The following NAV3 variants were observed in gnomAD, a reference collection of about 807,000 sequenced individuals.
The protein encoded by NAV3 is neuron navigator 3.
Under a neutral mutation model 244.7 loss-of-function variants are expected in NAV3, and 87 were observed. The ratio of observed to expected loss-of-function variants is 0.36; its 90% CI spans 0.30 to 0.42. The LOEUF is 0.42. NAV3 is among the 20% of genes least tolerant of loss of function. The pLI, the probability that NAV3 is intolerant of heterozygous loss-of-function variation, is 1.00. For synonymous variants in NAV3, 1,126 were observed against 1,042.2 expected, an observed-to-expected ratio of 1.08 and a Z score of -1.55; for missense variants, 2,663 against 2,893.3, an observed-to-expected ratio of 0.92 and a Z score of 1.83.
At chr12:78,144,952 GA>G (rs1956802397) in intron 20 of NAV3, 1 of 100,124 alleles carries the variant, frequency 1.0e-5, no homozygotes, top group African/African-American at 3.9e-5. Flanking sequence ...AAAAAAGAAA[GA>G]AAGAAAGAAA....
chr12:78,065,674 A>G (rs371304329), intron 12 of NAV3, among the ~76,000 whole-genome samples: 2 of 152,246 alleles, frequency 1.3e-5, no homozygotes, highest in East Asian at 3.9e-4. Context: ...GTTTCAATGA[A>G]ATACTGAAGG....
At chr12:78,024,997 G>A (rs11403459) in intron 9 of NAV3, among the ~76,000 whole-genome samples, 19,925 of 145,122 alleles carry the variant, frequency 0.14, 2,101 homozygotes, top group African/African-American at 0.3. Flanking sequence ...GAAAAAAAAA[G>A]CCACAACTTC....
At chr12:77,960,217 A>G (rs1306159866) in intron 3 of NAV3, among the ~76,000 whole-genome samples, 1 of 152,010 alleles carries the variant, frequency 6.6e-6, no homozygotes, top group African/African-American at 2.4e-5. Context: ...TTCAGGAGAC[A>G]TAATTAATTT....
chr12:77,938,059 C>A (rs976958983), intron 1 of NAV3, among the ~76,000 whole-genome samples: 1 of 152,134 alleles, frequency 6.6e-6, no homozygotes, highest in African/African-American at 2.4e-5. Context: ...ATCTGTCTGA[C>A]TCCAGAACTC....
chr12:77,703,543 AATACGCT>A (rs1177390426), intron 2 of NAV3, among the ~76,000 whole-genome samples: 1 of 152,130 alleles, frequency 6.6e-6, no homozygotes, highest in East Asian at 1.9e-4. Context: ...AATGTCTAGG[AATACGCT>A]TACTGAGTAA....
At chr12:77,860,135 T>C (rs1273378737) in intron 1 of NAV3, among the ~76,000 whole-genome samples, 1 of 151,774 alleles carries the variant, frequency 6.6e-6, no homozygotes, top group Admixed American at 6.6e-5. Flanking sequence ...ACGCGTAAAA[T>C]ATATATTTGT....
chr12:77,957,065 A>G (rs1207144216), intron 3 of NAV3, among the ~76,000 whole-genome samples: 1 of 152,174 alleles, frequency 6.6e-6, no homozygotes, highest in East Asian at 1.9e-4. Flanking sequence ...TTAAGTCTAA[A>G]TGACACTTTT....
chr12:77,988,142 T>C (rs1158007106), intron 5 of NAV3, among the ~76,000 whole-genome samples: 1 of 152,178 alleles, frequency 6.6e-6, no homozygotes, highest in East Asian at 1.9e-4. Context: ...TCTCCAATGT[T>C]ATTATGCATA....
At chr12:77,597,355 C>T (rs963025177) in intron 2 of NAV3, among the ~76,000 whole-genome samples, 5 of 152,060 alleles carry the variant, frequency 3.3e-5, no homozygotes, top group Admixed American at 6.6e-5. Context: ...CCTGTCTCTT[C>T]CAGTAAGCCA....
At chr12:78,039,135 T>C (rs1175215409) in intron 9 of NAV3, among the ~76,000 whole-genome samples, 2 of 152,174 alleles carry the variant, frequency 1.3e-5, no homozygotes, top group Non-Finnish European at 2.9e-5. Context: ...AGCTGTGATA[T>C]GAATAATCAT....
intron 4 of NAV3, among the ~76,000 whole-genome samples, chr12:77,966,554 A>G (rs1452031772): frequency 1.3e-5 from 2 of 152,138 alleles, no homozygotes; most frequent in African/African-American, 4.8e-5. Flanking sequence ...AATCAAAAAA[A>G]TATCTTTATG....
intron 18 of NAV3, among the ~76,000 whole-genome samples, chr12:78,134,130 A>G (rs1386438656): frequency 6.6e-6 from 1 of 150,710 alleles, no homozygotes; most frequent in Non-Finnish European, 1.5e-5. Flanking sequence ...TGATTGTTAA[A>G]CACCTTTGCA....
At chr12:78,171,177 C>G (rs1957984176) in intron 24 of NAV3, among the ~76,000 whole-genome samples, 2 of 151,670 alleles carry the variant, frequency 1.3e-5, no homozygotes, top group Non-Finnish European at 3.0e-5. Context: ...ACTTTAGCAA[C>G]TTTCCATGTG....
In NAV3 at chr12:77,705,731, C is replaced by T. The variant is rs1050482712; in HGVS notation, c.72+133465C>T. Reference sequence around the variant, plus strand: ...CTCCAAAGTCACTTGAGCTTTCTAACGGCTGGTAATTATATAGTACAAGTT... The same window carrying T: ...CTCCAAAGTCACTTGAGCTTTCTAATGGCTGGTAATTATATAGTACAAGTT... On this transcript the variant is annotated intron_variant, in intron 2 of 8. Coordinates refer to the NAV3 transcript ENST00000550042. Among the ~76,000 whole-genome samples, 11 of 151,406 alleles carry T rather than the reference C, an allele frequency of 7.3e-5. 1 individual carries two copies. The highest frequency in any genetic ancestry group is 2.7e-4 in the African/African-American group (11 of 40,820).
chr12:77,662,165 G>C (rs1291128768), intron 2 of NAV3, among the ~76,000 whole-genome samples: 1 of 151,852 alleles, frequency 6.6e-6, no homozygotes, highest in Non-Finnish European at 1.5e-5. Context: ...ATTGAGTCTT[G>C]AATCGATTAA....
At chr12:78,045,126 T>A (rs1881545416) in intron 9 of NAV3, among the ~76,000 whole-genome samples, 1 of 152,080 alleles carries the variant, frequency 6.6e-6, no homozygotes, top group Non-Finnish European at 1.5e-5. Flanking sequence ...TAATTGAGAG[T>A]TCTTAGCATG....
chr12:77,957,278 T>C (rs1891454016), intron 3 of NAV3, among the ~76,000 whole-genome samples: 1 of 152,214 alleles, frequency 6.6e-6, no homozygotes, highest in Admixed American at 6.5e-5. Context: ...CCTTCACCAT[T>C]GAGCAGAGCT....
Position 78,200,478 on chromosome 12 carries a change from C to A in NAV3, c.6721C>A (p.Arg2241=), listed in dbSNP as rs1223786684. The A allele has an allele frequency of 6.4e-7, 1 of 1,565,972 alleles. No individual in the cohort carries two copies. The highest frequency in any genetic ancestry group is 8.7e-7 in the Non-Finnish European group (1 of 1,154,466). ...HSSSDVTIGP[R]LFLPCPMDVE... ...TGTTATTTATTTCTTATCAGGTCCC[C>A]GACTATTCCTTCCTTGCCCCATGGA... The change falls in exon 38 of 40, where the codon CGA becomes AGA. Residue 2241 remains arginine (R), a synonymous_variant. Coordinates refer to ENST00000397909, the MANE Select transcript of NAV3 (RefSeq NM_001024383.2).
chr12:77,740,311 A>G (rs867681499), intron 2 of NAV3, among the ~76,000 whole-genome samples: 2 of 152,282 alleles, frequency 1.3e-5, no homozygotes, highest in Middle Eastern at 3.4e-3. Flanking sequence ...GTAAACTGGT[A>G]TGGAGTATCA....
Sources: allele counts gnomAD v4.1 joint callset (sites outside exome capture counted in the v4.1 genomes callset), GRCh38; gene constraint gnomAD v4.1.1; transcripts MANE v1.5; gene names NCBI Gene and HGNC (gene_info 2026-07-23, HGNC 2026-07-21).